Variants in EYA4 observed in about 807,000 individuals in gnomAD.
EYA4 encodes the protein EYA transcriptional coactivator and phosphatase 4.
EYA4 carries 31 observed loss-of-function variants against 87.9 expected under a neutral mutation model. The observed-to-expected ratio is 0.35, with a 90% confidence interval of 0.27 to 0.48. The LOEUF is 0.48. Ranked by LOEUF, EYA4 falls within the 20% of genes least tolerant of loss-of-function variation. The pLI is 0.99. For synonymous variants in EYA4, 263 were observed against 270.6 expected, an observed-to-expected ratio of 0.97 and a Z score of 0.28; for missense variants, 678 against 761.4, an observed-to-expected ratio of 0.89 and a Z score of 1.29.
At chr6:133,405,216 G>C (rs1788604005) in intron 3 of EYA4, among the ~76,000 whole-genome samples, 1 of 151,980 alleles carries the variant, frequency 6.6e-6, no homozygotes, top group African/African-American at 2.4e-5. Context: ...CATTTTATCT[G>C]TCTTCCAAGG....
chr6:133,414,016 A>G (rs1229788353), intron 3 of EYA4, among the ~76,000 whole-genome samples: 2 of 152,106 alleles, frequency 1.3e-5, no homozygotes, highest in African/African-American at 4.8e-5. Flanking sequence ...TCTAGAATCT[A>G]TTGACTTTCA....
chr6:133,398,120 G>A (rs994796531), intron 3 of EYA4, among the ~76,000 whole-genome samples: 1 of 152,268 alleles, frequency 6.6e-6, no homozygotes, highest in African/African-American at 2.4e-5. Flanking sequence ...AAAAAGAAAA[G>A]GGGGGGAGGA....
chr6:133,511,400 G>A (rs554235652), intron 14 of EYA4, among the ~76,000 whole-genome samples: 1 of 151,754 alleles, frequency 6.6e-6, no homozygotes, highest in Admixed American at 6.6e-5. Context: ...ACTTTGAGGG[G>A]GACTAAGGAG....
intron 2 of EYA4, among the ~76,000 whole-genome samples, chr6:133,312,409 C>CACACAG (rs1554223273): frequency 6.7e-6 from 1 of 148,612 alleles, no homozygotes; most frequent in Non-Finnish European, 1.5e-5. Flanking sequence ...CACACACACA[C>CACACAG]AGAGATAAAG....
At chr6:133,433,536 A>C (rs896749120) in intron 3 of EYA4, among the ~76,000 whole-genome samples, 2 of 152,188 alleles carry the variant, frequency 1.3e-5, no homozygotes, top group Non-Finnish European at 2.9e-5. Context: ...TTGTATTTTT[A>C]GTAGAGAGGG....
intron 2 of EYA4, among the ~76,000 whole-genome samples, chr6:133,363,620 G>A (rs549601857): frequency 4.7e-5 from 7 of 148,584 alleles, no homozygotes; most frequent in African/African-American, 1.7e-4. Context: ...GACTACAGGC[G>A]CACGCTGCCA....
At chr6:133,351,855 C>G (rs1783665408) in intron 2 of EYA4, among the ~76,000 whole-genome samples, 1 of 152,128 alleles carries the variant, frequency 6.6e-6, no homozygotes, top group Non-Finnish European at 1.5e-5. Flanking sequence ...TGCCCACCAT[C>G]CATCTTTAAC....
chr6:133,485,582 C>CAGTT (rs1459442158), intron 13 of EYA4, among the ~76,000 whole-genome samples: 1 of 152,182 alleles, frequency 6.6e-6, no homozygotes, highest in Non-Finnish European at 1.5e-5. Flanking sequence ...ATGGCCTGGA[C>CAGTT]AGTTAATATA....
At chr6:133,347,809 T>C (rs1783309138) in intron 2 of EYA4, among the ~76,000 whole-genome samples, 1 of 152,206 alleles carries the variant, frequency 6.6e-6, no homozygotes, top group South Asian at 2.1e-4. Context: ...TGAAGAAGTC[T>C]GATTCTAGAT....
At chr6:133,366,695 G>A (rs1784876198) in intron 2 of EYA4, among the ~76,000 whole-genome samples, 1 of 150,546 alleles carries the variant, frequency 6.6e-6, no homozygotes, top group African/African-American at 2.4e-5. Flanking sequence ...GATTTGTTAA[G>A]TGTTTAACTA....
intron 2 of EYA4, among the ~76,000 whole-genome samples, chr6:133,328,945 G>GT (rs1781711995): frequency 6.6e-6 from 1 of 152,048 alleles, no homozygotes; most frequent in African/African-American, 2.4e-5. Context: ...AACAAATAGA[G>GT]GGCCACCTGA....
At chr6:133,366,513 C>T (rs955965223) in intron 2 of EYA4, among the ~76,000 whole-genome samples, 2 of 152,182 alleles carry the variant, frequency 1.3e-5, no homozygotes, top group African/African-American at 4.8e-5. Flanking sequence ...CATTTGCCCA[C>T]AGCCCCACCT....
intron 3 of EYA4, among the ~76,000 whole-genome samples, chr6:133,390,537 T>C (rs1171257108): frequency 6.6e-6 from 1 of 152,212 alleles, no homozygotes; most frequent in Non-Finnish European, 1.5e-5. Flanking sequence ...TCCCTTATTT[T>C]ACTCTGTTAA....
chr6:133,411,404 A>G lies in EYA4; in HGVS notation c.83+28963A>G, dbSNP rs572392308. Among the ~76,000 whole-genome samples, 7 of 152,308 alleles carry G rather than the reference A, an allele frequency of 4.6e-5. No individual in the cohort carries two copies. In the South Asian group the frequency reaches 1.5e-3, roughly 32 times the overall value. On this transcript the variant is annotated intron_variant, in intron 3 of 19. Transcript: ENST00000355286. Reference sequence around the variant, plus strand: ...AGGGAAACACCAGCATGGTTTTTAAATATCTGTAATCAGTAAAGTATTGCA... The same window carrying G: ...AGGGAAACACCAGCATGGTTTTTAAGTATCTGTAATCAGTAAAGTATTGCA...
At chr6:133,485,012 C>T (rs974563988) in intron 13 of EYA4, among the ~76,000 whole-genome samples, 1 of 152,138 alleles carries the variant, frequency 6.6e-6, no homozygotes, top group African/African-American at 2.4e-5. Flanking sequence ...GTAAAACTGT[C>T]ACTGTATATA....
chr6:133,277,785 C>T (rs780859654), intron 2 of EYA4, among the ~76,000 whole-genome samples: 16 of 152,330 alleles, frequency 1.1e-4, no homozygotes, highest in Middle Eastern at 6.8e-3. Flanking sequence ...TCATCAGCTA[C>T]TGAATGGGTT....
intron 2 of EYA4, among the ~76,000 whole-genome samples, chr6:133,349,447 T>C (rs1783465317): frequency 6.6e-6 from 1 of 152,236 alleles, no homozygotes; most frequent in Admixed American, 6.5e-5. Context: ...ACACATATTA[T>C]GCACTTAATA....
At chr6:133,299,929 ATCTATCTATC>A (rs1779250223) in intron 2 of EYA4, among the ~76,000 whole-genome samples, 4 of 76,752 alleles carry the variant, frequency 5.2e-5, no homozygotes, top group African/African-American at 2.8e-4. Context: ...AAAGATCTCT[ATCTATCTATC>A]TATCTATCTA....
intron 2 of EYA4, among the ~76,000 whole-genome samples, chr6:133,310,532 A>G (rs983137707): frequency 1.3e-5 from 2 of 152,238 alleles, no homozygotes; most frequent in African/African-American, 2.4e-5. Context: ...AGAAAAATGT[A>G]TCATATAACT....
Sources: allele counts gnomAD v4.1 joint callset (sites outside exome capture counted in the v4.1 genomes callset), GRCh38; gene constraint gnomAD v4.1.1; transcripts MANE v1.5; gene names NCBI Gene and HGNC (gene_info 2026-07-23, HGNC 2026-07-21).